PRKCD: variants seen among roughly 807,000 people sequenced by gnomAD.
PRKCD encodes the protein protein kinase C delta type.
Under a neutral mutation model 82.2 loss-of-function variants are expected in PRKCD, and 20 were observed. The ratio of observed to expected loss-of-function variants is 0.24; its 90% CI spans 0.17 to 0.35. The LOEUF (loss-of-function observed/expected upper bound fraction) is 0.35, where lower values mean the gene tolerates loss of function less well. Ranked by LOEUF, PRKCD falls within the 10% of genes least tolerant of loss-of-function variation. The pLI is 1.00. For missense variants in PRKCD, 607 were observed against 899.0 expected, an observed-to-expected ratio of 0.68 and a Z score of 4.15; for synonymous variants, 317 against 337.0, an observed-to-expected ratio of 0.94 and a Z score of 0.65.
intron 2 of PRKCD, among the ~76,000 whole-genome samples, chr3:53,170,174 A>C (rs1702970814): frequency 6.6e-6 from 1 of 152,196 alleles, no homozygotes; most frequent in African/African-American, 2.4e-5. Context: ...GCTAAGGAGT[A>C]GGGCTCTTGT....
intron 7 of PRKCD, among the ~76,000 whole-genome samples, chr3:53,182,791 T>C (rs1384219101): frequency 3.3e-5 from 5 of 152,224 alleles, no homozygotes; most frequent in African/African-American, 9.7e-5. Flanking sequence ...AGCCGTTTGC[T>C]ATCCCAGGGC....
intron 4 of PRKCD, among the ~76,000 whole-genome samples, chr3:53,180,734 A>G (rs1330362547): frequency 1.3e-5 from 2 of 151,976 alleles, no homozygotes; most frequent in African/African-American, 4.8e-5. Context: ...AGGTGAGGGG[A>G]TAGAGGCTCA....
At chr3:53,171,570 G>C (rs551869609) in intron 2 of PRKCD, among the ~76,000 whole-genome samples, 16 of 152,198 alleles carry the variant, frequency 1.1e-4, no homozygotes, top group Admixed American at 2.0e-4. Flanking sequence ...ACATATTTAT[G>C]TGACTGGCTC....
At position 53,189,185 on chromosome 3, in the gene PRKCD, G is replaced by A. The variant is rs782458851; in HGVS notation, c.1682G>A (p.Arg561His). 2.0e-5 allele frequency: 32 copies of A among 1,613,950 alleles called. 1 individual carries two copies. The highest frequency in any genetic ancestry group is 2.3e-5 in the Non-Finnish European group (27 of 1,179,980). Residue 561 changes from arginine to histidine, a missense_variant, in exon 17 of 19, where the codon CGT becomes CAT. By Grantham distance (29) the Arg-to-His change is conservative. This residue lies in a region of PRKCD where 251 missense variants were observed against 423.9 expected (regional missense o/e 0.59). Coordinates refer to ENST00000330452, the MANE Select transcript of PRKCD (RefSeq NM_006254.4). ...GAGGATGAACTCTTCGAGTCCATCCGTGTGGACACGCCACATTATCCCCGC... is the reference window on the plus strand; with the variant it reads ...GAGGATGAACTCTTCGAGTCCATCCATGTGGACACGCCACATTATCCCCGC... Reference protein sequence around the residue: ...DDEDELFESIRVDTPHYPRWI... With the variant: ...DDEDELFESIHVDTPHYPRWI...
intron 2 of PRKCD, among the ~76,000 whole-genome samples, chr3:53,166,992 A>T (rs536450323): frequency 6.6e-6 from 1 of 152,236 alleles, no homozygotes; most frequent in Non-Finnish European, 1.5e-5. Flanking sequence ...TGGGGGTCCT[A>T]TCAACTCCTG....
intron 4 of PRKCD, among the ~76,000 whole-genome samples, chr3:53,180,984 C>G (rs1238237413): frequency 6.6e-6 from 1 of 151,856 alleles, no homozygotes; most frequent in Non-Finnish European, 1.5e-5. Context: ...TGGACCCTTT[C>G]ACTTCCCTAA....
At chr3:53,173,901 G>C (rs1262119149) in intron 2 of PRKCD, among the ~76,000 whole-genome samples, 7 of 152,134 alleles carry the variant, frequency 4.6e-5, no homozygotes, top group African/African-American at 1.7e-4. Context: ...CTGTCTTCAT[G>C]TGTGTTTGTG....
intron 1 of PRKCD, among the ~76,000 whole-genome samples, chr3:53,161,850 C>A (rs1304086862): frequency 7.0e-6 from 1 of 141,998 alleles, no homozygotes; most frequent in South Asian, 2.4e-4. Flanking sequence ...TGCTCCATCG[C>A]CCCACCCCCA....
intron 7 of PRKCD, among the ~76,000 whole-genome samples, chr3:53,182,190 G>A (rs1703470818): frequency 6.6e-6 from 1 of 152,180 alleles, no homozygotes; most frequent in Non-Finnish European, 1.5e-5. Flanking sequence ...GCCTGGGTTT[G>A]AATCCCAGCT....
At chr3:53,190,128 A>C (rs1575545727) in intron 18 of PRKCD, 127 bp downstream of exon 18, 1 of 1,352,664 alleles carries the variant, frequency 7.4e-7, no homozygotes. Context: ...ATGTTCAGTC[A>C]CAGCCGCTGC....
intron 14 of PRKCD, among the ~76,000 whole-genome samples, chr3:53,187,059 A>ATGTGTG (rs145524309): frequency 6.6e-6 from 1 of 151,048 alleles, no homozygotes; most frequent in African/African-American, 2.4e-5. Context: ...CTAACCGTGT[A>ATGTGTG]TGTGTGTGTG....
intron 11 of PRKCD, 67 bp from the exon 12 acceptor site, chr3:53,185,860 A>C: frequency 1.3e-6 from 2 of 1,568,496 alleles, no homozygotes. Flanking sequence ...AGCCTACCCC[A>C]GGCCCCGGGG....
At chr3:53,162,444 C>T (rs190147026) in intron 1 of PRKCD, among the ~76,000 whole-genome samples, 1 of 152,188 alleles carries the variant, frequency 6.6e-6, no homozygotes, top group African/African-American at 2.4e-5. Flanking sequence ...CCTTCTCTGA[C>T]GCCTACCCTG....
At chr3:53,188,214 A>AAAAAAAT (rs1575543848) in intron 15 of PRKCD, among the ~76,000 whole-genome samples, 1 of 148,836 alleles carries the variant, frequency 6.7e-6, no homozygotes. Context: ...AAAAAAAAAA[A>AAAAAAAT]GGTGGGAGCG....
intron 3 of PRKCD, among the ~76,000 whole-genome samples, chr3:53,179,309 C>G (rs942073773): frequency 6.6e-6 from 1 of 152,198 alleles, no homozygotes; most frequent in Non-Finnish European, 1.5e-5. Context: ...AGCCCATGTT[C>G]CCTGCATGAA....
intron 7 of PRKCD, among the ~76,000 whole-genome samples, 198 bp from the exon 8 acceptor site, chr3:53,182,923 C>T (rs1553668048): frequency 6.6e-6 from 1 of 152,230 alleles, no homozygotes; most frequent in Non-Finnish European, 1.5e-5. Context: ...TCCTCTCCGC[C>T]CCGTCCTCTC....
Position 53,183,558 on chromosome 3 carries a change from T to C in PRKCD, c.764T>C (p.Val255Ala). 6.2e-7 allele frequency: 1 copy of C among 1,614,110 alleles called. No individual in the cohort carries two copies. ...DHCGSLLWGL[V>A]KQGLKCEDCG... Reference sequence around the variant, plus strand: ...TGCGGCAGCCTGCTCTGGGGACTGGTGAAGCAGGGATTAAAGTGTGAAGGT... The same window carrying C: ...TGCGGCAGCCTGCTCTGGGGACTGGCGAAGCAGGGATTAAAGTGTGAAGGT... Residue 255 changes from valine to alanine, a missense_variant, in exon 9 of 19, where the codon GTG (valine) becomes GCG (alanine). Physicochemically the swap from Val to Ala is moderately conservative, Grantham distance 64. Coordinates refer to ENST00000330452, the MANE Select transcript of PRKCD (RefSeq NM_006254.4).
At chr3:53,178,157 C>T (rs1703281386) in intron 2 of PRKCD, among the ~76,000 whole-genome samples, 1 of 152,140 alleles carries the variant, frequency 6.6e-6, no homozygotes, top group Non-Finnish European at 1.5e-5. Flanking sequence ...AGGCTGGTCT[C>T]AAACTCCTGA....
At chr3:53,185,507 T>G in intron 10 of PRKCD, 97 bp from the exon 11 acceptor site, 2 of 980,018 alleles carry the variant, frequency 2.0e-6, no homozygotes, top group Non-Finnish European at 3.2e-6. Context: ...CTCCTCTTGG[T>G]GTTAAGGGTG....
Sources: gnomAD v4.1 joint callset for allele counts (sites outside exome capture counted in the v4.1 genomes callset) on GRCh38, gnomAD v4.1.1 for gene constraint, gnomAD v4.1.1 regional missense constraint, MANE v1.5 for transcripts, NCBI Gene and HGNC (gene_info 2026-07-23, HGNC 2026-07-21) for gene names.